Variants in COL24A1 observed in about 807,000 individuals in gnomAD.
COL24A1 encodes the protein collagen alpha-1(XXIV) chain.
A neutral mutation model predicts 253.9 loss-of-function variants in COL24A1; 224 were observed. The ratio of observed to expected loss-of-function variants is 0.88; its 90% CI spans 0.79 to 0.99. The LOEUF (loss-of-function observed/expected upper bound fraction) is 0.99. Ranked by LOEUF, COL24A1 falls within the 50% of genes least tolerant of loss-of-function variation. COL24A1 has a pLI of 0.00. For synonymous variants in COL24A1, 685 were observed against 673.7 expected, an observed-to-expected ratio of 1.02 and a Z score of -0.26; for missense variants, 2,131 against 2,068.5, an observed-to-expected ratio of 1.03 and a Z score of -0.59.
chr1:85,854,937 C>T (rs531082266), intron 37 of COL24A1, among the ~76,000 whole-genome samples: 4 of 152,170 alleles, frequency 2.6e-5, no homozygotes, highest in South Asian at 2.1e-4. Flanking sequence ...CTCTTGACAG[C>T]GTGTTCCACC....
intron 2 of COL24A1, among the ~76,000 whole-genome samples, chr1:86,134,439 T>C (rs1246737851): frequency 6.7e-6 from 1 of 149,226 alleles, no homozygotes; most frequent in Non-Finnish European, 1.5e-5. Context: ...CATTGTGAAG[T>C]TAGGATGTCA....
At chr1:85,852,464 T>TC (rs1296902639) in intron 37 of COL24A1, among the ~76,000 whole-genome samples, 1 of 152,152 alleles carries the variant, frequency 6.6e-6, no homozygotes, top group Non-Finnish European at 1.5e-5. Flanking sequence ...CCTTTGGTTT[T>TC]CCACACAAAT....
rs143722688 is a variant in COL24A1, at chr1:85,830,367, G to C, written c.3682-6629C>G. Reference sequence around the variant, plus strand: ...CATTTAAGTCTGCAGGGTTACTGCTGTCTTTTTGTCTGTCTGTGCCCTGCC... The same window carrying C: ...CATTTAAGTCTGCAGGGTTACTGCTCTCTTTTTGTCTGTCTGTGCCCTGCC... On this transcript the variant is annotated intron_variant, in intron 43 of 59. Transcript: ENST00000370571. Among the ~76,000 whole-genome samples, 800 of 152,258 alleles carry C rather than the reference G, an allele frequency of 5.3e-3. 5 individuals are homozygous for C. Among genetic ancestry groups the C allele is most frequent in the African/African-American group, 0.016 (670 of 41,576 alleles).
chr1:85,772,599 T>C (rs1471997239), intron 53 of COL24A1, among the ~76,000 whole-genome samples: 1 of 152,132 alleles, frequency 6.6e-6, no homozygotes. Flanking sequence ...GTGGTTTTGA[T>C]TTGCATTTCT....
intron 7 of COL24A1, among the ~76,000 whole-genome samples, chr1:86,085,825 A>G (rs896260678): frequency 6.6e-6 from 1 of 152,196 alleles, no homozygotes. Context: ...TTGCTTGTTA[A>G]AAATGTTAAT....
chr1:85,795,645 AG>A (rs1332402647), intron 47 of COL24A1, among the ~76,000 whole-genome samples: 1 of 152,118 alleles, frequency 6.6e-6, no homozygotes, highest in Non-Finnish European at 1.5e-5. Flanking sequence ...TTCTAAAAAA[AG>A]TTTTTTCCTT....
At chr1:85,981,689 A>G (rs1693270634) in intron 20 of COL24A1, among the ~76,000 whole-genome samples, 1 of 152,190 alleles carries the variant, frequency 6.6e-6, no homozygotes, top group Non-Finnish European at 1.5e-5. Context: ...TTAGAGAAAA[A>G]AACAACAGAG....
intron 18 of COL24A1, among the ~76,000 whole-genome samples, chr1:86,021,029 G>T (rs995323072): frequency 6.6e-6 from 1 of 152,138 alleles, no homozygotes; most frequent in African/African-American, 2.4e-5. Flanking sequence ...TAATTCCTAA[G>T]AGATGTATAT....
chr1:86,114,181 T>C (rs1291435408), intron 4 of COL24A1, among the ~76,000 whole-genome samples: 1 of 152,112 alleles, frequency 6.6e-6, no homozygotes, highest in Non-Finnish European at 1.5e-5. Context: ...TTAAGTTAGA[T>C]GAGGTGAAAT....
At chr1:85,742,692 T>C (rs1664781353) in intron 57 of COL24A1, among the ~76,000 whole-genome samples, 1 of 152,028 alleles carries the variant, frequency 6.6e-6, no homozygotes, top group Admixed American at 6.5e-5. Context: ...TCCCACCCTT[T>C]TACAGAAAAA....
intron 24 of COL24A1, among the ~76,000 whole-genome samples, chr1:85,926,586 A>G (rs780184042): frequency 4.0e-5 from 6 of 151,486 alleles, no homozygotes; most frequent in Non-Finnish European, 5.9e-5. Context: ...CAAACACTGC[A>G]TGTTCTCACT....
chr1:85,783,709 G>A, intron 50 of COL24A1, 151 bp from the exon 51 acceptor site: 1 of 682,316 alleles, frequency 1.5e-6, no homozygotes, highest in South Asian at 2.0e-5. Flanking sequence ...GTGTACTGAG[G>A]CCTACAATTT....
chr1:85,845,271 T>C (rs958573600), intron 39 of COL24A1, among the ~76,000 whole-genome samples: 2 of 151,782 alleles, frequency 1.3e-5, no homozygotes, highest in Admixed American at 1.3e-4. Flanking sequence ...AAAGCATGGG[T>C]TTATCTAAAC....
intron 53 of COL24A1, among the ~76,000 whole-genome samples, chr1:85,768,787 A>G (rs919898493): frequency 9.9e-5 from 15 of 152,172 alleles, no homozygotes; most frequent in African/African-American, 2.4e-4. Flanking sequence ...TCATTATTAT[A>G]TTAGACAGCT....
At chr1:85,814,454 G>GA (rs935874378) in intron 47 of COL24A1, among the ~76,000 whole-genome samples, 2 of 152,130 alleles carry the variant, frequency 1.3e-5, no homozygotes, top group Non-Finnish European at 2.9e-5. Flanking sequence ...CAATATTGAA[G>GA]AAAAATGTAG....
In COL24A1 at chr1:85,885,388, T is replaced by C. The variant is rs1682361168; in HGVS notation, c.2976+4172A>G. 3.3e-5 allele frequency among the ~76,000 whole-genome samples: 3 copies of C among 90,524 alleles called. No individual in the cohort carries two copies. In the South Asian group the frequency reaches 9.1e-4, roughly 28 times the overall value. 59.4% of individuals were successfully genotyped at this position (90,524 alleles called of 152,430 possible). ...GCTAATTTTTGTGTGTATATATATA[T>C]ATATATATATTTTTTTTTTAAGTAG... is the stretch of plus-strand genomic sequence containing the variant. On this transcript the variant is annotated intron_variant, in intron 32 of 59. Coordinates refer to ENST00000370571, the MANE Select transcript of COL24A1 (RefSeq NM_152890.7).
At chr1:85,925,025 A>G (rs981820294) in intron 24 of COL24A1, among the ~76,000 whole-genome samples, 1 of 152,184 alleles carries the variant, frequency 6.6e-6, no homozygotes, top group African/African-American at 2.4e-5. Context: ...CTATACACCA[A>G]TAACAGACAA....
At chr1:85,830,405 G>T (rs916847891) in intron 43 of COL24A1, among the ~76,000 whole-genome samples, 26 of 152,140 alleles carry the variant, frequency 1.7e-4, no homozygotes, top group African/African-American at 6.0e-4. Flanking sequence ...CAGAGGTGGA[G>T]CCTACAGAGG....
At chr1:85,924,977 T>C (rs977845387) in intron 24 of COL24A1, among the ~76,000 whole-genome samples, 35 of 152,100 alleles carry the variant, frequency 2.3e-4, no homozygotes, top group African/African-American at 3.6e-4. Context: ...AGCAAAGTCT[T>C]AGGATACAAA....
Sources: gnomAD v4.1 joint callset for allele counts (sites outside exome capture counted in the v4.1 genomes callset) on GRCh38, gnomAD v4.1.1 for gene constraint, MANE v1.5 for transcripts, NCBI Gene and HGNC (gene_info 2026-07-23, HGNC 2026-07-21) for gene names.